The following RNF13 variants were observed in gnomAD, a reference collection of about 807,000 sequenced individuals.
RNF13 encodes the protein ring finger protein 13.
Under a neutral mutation model 37.7 loss-of-function variants are expected in RNF13, and 19 were observed. The ratio of observed to expected loss-of-function variants is 0.50; its 90% CI spans 0.35 to 0.74. RNF13 has a LOEUF of 0.74. Among genes scored for constraint, RNF13 ranks in the 30% least tolerant of loss-of-function variants. RNF13 has a pLI of 0.01. For missense variants in RNF13, 375 were observed against 453.0 expected, an observed-to-expected ratio of 0.83 and a Z score of 1.56; for synonymous variants, 144 against 157.8, an observed-to-expected ratio of 0.91 and a Z score of 0.65.
intron 4 of RNF13, 85 bp downstream of exon 4, chr3:149,872,239 A>G: frequency 3.3e-6 from 3 of 899,874 alleles, no homozygotes; most frequent in African/African-American, 3.4e-5. Context: ...GTTTCAGAAA[A>G]CATTTAAAAT....
rs972002974 is a variant in RNF13, at chr3:149,961,003, A to G, written c.1045A>G (p.Thr349Ala). The G allele has an allele frequency of 3.1e-6, 5 of 1,614,128 alleles. No individual in the cohort carries two copies. In the Admixed American group the frequency reaches 6.7e-5, roughly 22 times the overall value. Reference protein sequence around the residue: ...SDYEEDDNEDTDSSDAENEIN... With the variant: ...SDYEEDDNEDADSSDAENEIN... ...CTATGAGGAAGACGACAATGAAGAT[A>G]CTGACAGTAGTGATGCAGAAAATGA... Residue 349 changes from threonine (T) to alanine (A), a missense_variant, in exon 10 of 10, where the codon ACT becomes GCT. Physicochemically the swap from Thr to Ala is moderately conservative, Grantham distance 58 (BLOSUM62 0). Coordinates refer to ENST00000392894, the MANE Select transcript of RNF13 (RefSeq NM_183381.3).
rs1325616631 is a variant in RNF13, at chr3:149,956,612, A to G, written c.701-3444A>G. Among the ~76,000 whole-genome samples the G allele has an allele frequency of 2.6e-5, 4 of 152,244 alleles. No individual in the cohort carries two copies. The East Asian group carries it at 7.7e-4, about 29-fold the overall frequency. ...TACATGTTTTAACATTCCCAGATTGATGAGATTTACTTTAAAAGTACCTTC... is the reference window on the plus strand; with the variant it reads ...TACATGTTTTAACATTCCCAGATTGGTGAGATTTACTTTAAAAGTACCTTC... On this transcript the variant is annotated intron_variant, in intron 8 of 9. Transcript: ENST00000392894.
chr3:149,870,667 G>A (rs1449573564), intron 3 of RNF13, among the ~76,000 whole-genome samples: 1 of 151,900 alleles, frequency 6.6e-6, no homozygotes, highest in African/African-American at 2.4e-5. Flanking sequence ...TTCATCATTG[G>A]AAGGATGACC....
intron 1 of RNF13, among the ~76,000 whole-genome samples, chr3:149,816,952 A>G (rs1375533853): frequency 1.3e-5 from 2 of 152,186 alleles, no homozygotes; most frequent in Non-Finnish European, 2.9e-5. Flanking sequence ...TAGGCCTAGG[A>G]CAAATTTTTG....
intron 1 of RNF13, chr3:149,814,249 A>T (rs1719193443): frequency 6.6e-6 from 1 of 152,198 alleles, no homozygotes; most frequent in Non-Finnish European, 1.5e-5. Flanking sequence ...GAACATCTGC[A>T]GTTTTTGATA....
intron 4 of RNF13, chr3:149,893,918 A>G (rs561754006): frequency 6.6e-6 from 1 of 152,338 alleles, no homozygotes; most frequent in African/African-American, 2.4e-5. Context: ...CTGTGCCAAC[A>G]AACAATTTAT....
chr3:149,933,711 G>C (rs1279798485), intron 8 of RNF13, among the ~76,000 whole-genome samples: 1 of 150,974 alleles, frequency 6.6e-6, no homozygotes, highest in East Asian at 1.9e-4. Context: ...AGCCTCCCAA[G>C]TAGCTGGGAC....
chr3:149,838,282 G>A lies in RNF13; in HGVS notation c.-16-7729G>A, dbSNP rs115348859. On this transcript the variant is annotated intron_variant, in intron 1 of 9. Coordinates refer to ENST00000392894, the MANE Select transcript of RNF13 (RefSeq NM_183381.3). ...TTGTTGGTGGATCTACTATTCTGGCGTCTGGTGGACAGTGGTCCTCTTCTC... is the reference window on the plus strand; with the variant it reads ...TTGTTGGTGGATCTACTATTCTGGCATCTGGTGGACAGTGGTCCTCTTCTC... 7.7e-3 allele frequency among the ~76,000 whole-genome samples: 1,171 copies of A among 152,238 alleles called. 17 individuals carry two copies. The highest frequency in any genetic ancestry group is 0.027 in the African/African-American group (1,113 of 41,532).
At chr3:149,826,379 A>T (rs1720506502) in intron 1 of RNF13, among the ~76,000 whole-genome samples, 1 of 152,238 alleles carries the variant, frequency 6.6e-6, no homozygotes. Context: ...ACAGAAAATG[A>T]CTGCTCAGAT....
At chr3:149,920,411 T>G (rs980286504) in intron 7 of RNF13, among the ~76,000 whole-genome samples, 2 of 150,538 alleles carry the variant, frequency 1.3e-5, no homozygotes, top group Non-Finnish European at 3.0e-5. Context: ...AATTTTTTTC[T>G]TTTTAGAGAT....
intron 1 of RNF13, among the ~76,000 whole-genome samples, chr3:149,823,408 G>A (rs946597926): frequency 2.0e-5 from 3 of 152,012 alleles, no homozygotes; most frequent in East Asian, 1.9e-4. Context: ...AAGGAGAATC[G>A]ATACAATGAA....
chr3:149,961,448 G>A lies in RNF13; in HGVS notation c.*344G>A, dbSNP rs1294668907. The A allele has an allele frequency of 2.3e-6, 1 of 440,094 alleles. No individual in the cohort carries two copies. The highest frequency in any genetic ancestry group is 4.4e-6 in the Non-Finnish European group (1 of 227,314). 27.3% of individuals were successfully genotyped at this position (440,094 alleles called of 1,614,324 possible). ...TTTGCGTTTTATACATGAGGTCAGT[G>A]CTACAGCCACCTAGCATGAACTAAC... On this transcript the variant is annotated 3_prime_UTR_variant, in exon 10 of 10. Transcript: ENST00000392894.
intron 2 of RNF13, among the ~76,000 whole-genome samples, chr3:149,847,495 G>A (rs1203875630): frequency 6.6e-6 from 1 of 152,082 alleles, no homozygotes; most frequent in Non-Finnish European, 1.5e-5. Context: ...AGAGAGCCAG[G>A]CTGGTTTCCA....
At chr3:149,900,379 C>A (rs945043718) in intron 5 of RNF13, among the ~76,000 whole-genome samples, 1 of 151,290 alleles carries the variant, frequency 6.6e-6, no homozygotes, top group Admixed American at 6.6e-5. Context: ...AAATATCTCC[C>A]AAATATAAAA....
At chr3:149,920,464 C>T (rs1199379867) in intron 7 of RNF13, among the ~76,000 whole-genome samples, 1 of 152,100 alleles carries the variant, frequency 6.6e-6, no homozygotes, top group Non-Finnish European at 1.5e-5. Context: ...ATTTCCTGGC[C>T]TCAAACAGTC....
At chr3:149,923,230 T>C (rs1718322115) in intron 8 of RNF13, among the ~76,000 whole-genome samples, 1 of 152,154 alleles carries the variant, frequency 6.6e-6, no homozygotes, top group African/African-American at 2.4e-5. Flanking sequence ...ATTATCATTA[T>C]ACAGTGTGGA....
chr3:149,819,849 G>T (rs189418619), intron 1 of RNF13, among the ~76,000 whole-genome samples: 1 of 152,252 alleles, frequency 6.6e-6, no homozygotes. Context: ...TTTAAGAGAA[G>T]GTGTTCCCTG....
At chr3:149,916,025 TTAAC>T (rs1194078153) in intron 7 of RNF13, among the ~76,000 whole-genome samples, 3 of 152,196 alleles carry the variant, frequency 2.0e-5, no homozygotes, top group South Asian at 2.1e-4. Context: ...AATTTTAAAA[TTAAC>T]TAGGCAATCA....
chr3:149,885,952 ACCTCCAGTTTTC>A (rs981588976), intron 4 of RNF13, among the ~76,000 whole-genome samples: 41 of 152,174 alleles, frequency 2.7e-4, no homozygotes, highest in African/African-American at 9.6e-4. Context: ...CTGGATATGT[ACCTCCAGTTTTC>A]TCAGCGCCAT....
Sources: gnomAD v4.1 joint callset for allele counts (sites outside exome capture counted in the v4.1 genomes callset) on GRCh38, gnomAD v4.1.1 for gene constraint, MANE v1.5 for transcripts, NCBI Gene and HGNC (gene_info 2026-07-23, HGNC 2026-07-21) for gene names.